The following PTPRT variants were observed in gnomAD, a reference collection of about 807,000 sequenced individuals.
PTPRT encodes the protein protein tyrosine phosphatase receptor type T.
A neutral mutation model predicts 176.8 loss-of-function variants in PTPRT; 56 were observed. The ratio of observed to expected loss-of-function variants is 0.32; its 90% CI spans 0.26 to 0.40. The LOEUF (loss-of-function observed/expected upper bound fraction) is 0.40. Among genes scored for constraint, PTPRT ranks in the 10% least tolerant of loss-of-function variants. The pLI is 1.00. For synonymous variants in PTPRT, 783 were observed against 739.0 expected, an observed-to-expected ratio of 1.06 and a Z score of -0.96; for missense variants, 1,540 against 1,908.2, an observed-to-expected ratio of 0.81 and a Z score of 3.60.
chr20:42,556,747 C>T (rs1289518698), intron 7 of PTPRT, among the ~76,000 whole-genome samples: 1 of 152,084 alleles, frequency 6.6e-6, no homozygotes, highest in Non-Finnish European at 1.5e-5. Flanking sequence ...TGGCTGTTGG[C>T]CACGAAACAC....
At chr20:42,928,435 G>C (rs1979624167) in intron 1 of PTPRT, among the ~76,000 whole-genome samples, 2 of 152,162 alleles carry the variant, frequency 1.3e-5, no homozygotes. Context: ...TGGACAAACA[G>C]GTTGAAATGC....
At chr20:42,586,425 A>G (rs2073472043) in intron 7 of PTPRT, among the ~76,000 whole-genome samples, 1 of 152,220 alleles carries the variant, frequency 6.6e-6, no homozygotes, top group Non-Finnish European at 1.5e-5. Flanking sequence ...TTCACAAAGT[A>G]CATTTCTACC....
At chr20:42,755,116 G>A (rs911964466) in intron 6 of PTPRT, among the ~76,000 whole-genome samples, 1 of 152,160 alleles carries the variant, frequency 6.6e-6, no homozygotes, top group Non-Finnish European at 1.5e-5. Flanking sequence ...AGGGAGGTGT[G>A]GGCGGGGGGT....
At chr20:42,454,773 T>A (rs1433175923) in intron 8 of PTPRT, among the ~76,000 whole-genome samples, 1 of 152,208 alleles carries the variant, frequency 6.6e-6, no homozygotes, top group Non-Finnish European at 1.5e-5. Context: ...GATCAGATTT[T>A]AGTTTTTGTA....
chr20:43,065,601 C>T (rs2011106069), intron 1 of PTPRT, among the ~76,000 whole-genome samples: 2 of 152,120 alleles, frequency 1.3e-5, no homozygotes, highest in Non-Finnish European at 2.9e-5. Flanking sequence ...AATGAAATTT[C>T]CCAGAACTAT....
At position 42,883,218 on chromosome 20, in the gene PTPRT, A is replaced by G. The variant is rs115609364; in HGVS notation, c.214+2589T>C. ...TCGACATCTGTTTGGAGAATGGATT[A>G]AAGTCCAAAGAGTTAAGTCAAGGAG... On this transcript the variant is annotated intron_variant, in intron 2 of 30. Transcript: ENST00000373187. Among the ~76,000 whole-genome samples, 240 of 152,318 alleles carry G rather than the reference A, an allele frequency of 1.6e-3. 3 individuals are homozygous for G. Among genetic ancestry groups the G allele is most frequent in the African/African-American group, 5.6e-3 (234 of 41,552 alleles).
intron 7 of PTPRT, among the ~76,000 whole-genome samples, chr20:42,511,099 C>T (rs943380436): frequency 6.6e-6 from 1 of 152,116 alleles, no homozygotes. Context: ...ACAGTTAGCA[C>T]ATGGCCACAT....
intron 11 of PTPRT, among the ~76,000 whole-genome samples, chr20:42,333,151 G>A (rs1038170426): frequency 2.0e-5 from 3 of 151,924 alleles, no homozygotes; most frequent in Non-Finnish European, 4.4e-5. Context: ...TGTGATACTG[G>A]ATTTTCTTTA....
intron 7 of PTPRT, among the ~76,000 whole-genome samples, chr20:42,652,284 G>C (rs969046985): frequency 3.9e-5 from 6 of 152,232 alleles, no homozygotes; most frequent in Admixed American, 3.9e-4. Context: ...ATTGCCATTT[G>C]CATGCTTAGA....
intron 1 of PTPRT, among the ~76,000 whole-genome samples, chr20:43,058,500 T>C (rs538117137): frequency 9.9e-5 from 15 of 152,270 alleles, no homozygotes; most frequent in Admixed American, 3.3e-4. Flanking sequence ...GAAAATGACA[T>C]TGAACAAATG....
intron 7 of PTPRT, among the ~76,000 whole-genome samples, chr20:42,661,642 A>G (rs1367846227): frequency 1.3e-5 from 2 of 152,140 alleles, no homozygotes; most frequent in Non-Finnish European, 2.9e-5. Context: ...GAAAATCTAC[A>G]TGGCCGTGGT....
chr20:42,984,157 T>C (rs1983434212), intron 1 of PTPRT, among the ~76,000 whole-genome samples: 2 of 152,262 alleles, frequency 1.3e-5, no homozygotes, highest in East Asian at 3.8e-4. Context: ...TAAGCAGGTA[T>C]GTTCATATAT....
At chr20:43,086,737 CAA>C in intron 1 of PTPRT, among the ~76,000 whole-genome samples, 2 of 152,234 alleles carry the variant, frequency 1.3e-5, no homozygotes, top group Non-Finnish European at 2.9e-5. Flanking sequence ...CATATCCATA[CAA>C]AGTTATTGAA....
At chr20:42,496,310 CT>C (rs1202662391) in intron 7 of PTPRT, among the ~76,000 whole-genome samples, 2 of 152,118 alleles carry the variant, frequency 1.3e-5, no homozygotes, top group Middle Eastern at 3.2e-3. Flanking sequence ...GTCTTTTTCA[CT>C]TTTTTATTTC....
chr20:42,511,817 C>T (rs1022295089), intron 7 of PTPRT, among the ~76,000 whole-genome samples: 1 of 152,002 alleles, frequency 6.6e-6, no homozygotes, highest in South Asian at 2.1e-4. Flanking sequence ...AGACTCGCCT[C>T]CTGCTTTCTA....
rs930520884 is a variant in PTPRT, at chr20:42,355,434, C to T, written c.1561-3149G>A. The stretch of plus-strand genomic sequence containing the variant: ...AGAATGACCAAACTAAGGAAAAATG[C>T]TCGTGGAGGTATCTCAGGAGAGAGT... On this transcript the variant is annotated intron_variant, in intron 9 of 30. Coordinates refer to ENST00000373187, the MANE Select transcript of PTPRT (RefSeq NM_007050.6). Among the ~76,000 whole-genome samples, 6 of 152,176 alleles carry T rather than the reference C, an allele frequency of 3.9e-5. No individual in the cohort carries two copies. The East Asian group carries it at 5.8e-4, about 15-fold the overall frequency.
intron 6 of PTPRT, among the ~76,000 whole-genome samples, chr20:42,734,576 T>C (rs2076510053): frequency 6.6e-6 from 1 of 152,182 alleles, no homozygotes; most frequent in African/African-American, 2.4e-5. Context: ...AATGGAGTAA[T>C]AATACACCTA....
At chr20:42,974,560 C>T (rs1178613080) in intron 1 of PTPRT, among the ~76,000 whole-genome samples, 2 of 152,146 alleles carry the variant, frequency 1.3e-5, no homozygotes, top group African/African-American at 4.8e-5. Context: ...TCTACACTGA[C>T]TCACAGTCGT....
intron 15 of PTPRT, among the ~76,000 whole-genome samples, chr20:42,201,951 G>A (rs1235801102): frequency 1.6e-4 from 5 of 31,234 alleles, no homozygotes; most frequent in East Asian, 1.0e-3. Flanking sequence ...GAAAAGTTGC[G>A]TGTGTGTGTG....
Sources: allele counts gnomAD v4.1 joint callset (sites outside exome capture counted in the v4.1 genomes callset), GRCh38; gene constraint gnomAD v4.1.1; transcripts MANE v1.5; gene names NCBI Gene and HGNC (gene_info 2026-07-23, HGNC 2026-07-21).